DENND1B: variants seen among roughly 807,000 people sequenced by gnomAD.
DENND1B encodes DENN domain containing 1B.
A neutral mutation model predicts 90.1 loss-of-function variants in DENND1B; 59 were observed. That is an observed-to-expected ratio of 0.65 (90% CI 0.53 to 0.81). The LOEUF (loss-of-function observed/expected upper bound fraction) is 0.81, where lower values mean the gene tolerates loss of function less well. Ranked by LOEUF, DENND1B falls within the 40% of genes least tolerant of loss-of-function variation. The pLI, the probability that DENND1B is intolerant of heterozygous loss-of-function variation, is 0.00. For synonymous variants in DENND1B, 337 were observed against 324.6 expected (o/e 1.04, Z -0.41); for missense variants, 862 against 912.6 (o/e 0.94, Z 0.71).
intron 2 of DENND1B, among the ~76,000 whole-genome samples, chr1:197,724,385 T>C (rs902261145): frequency 1.3e-5 from 2 of 152,178 alleles, no homozygotes; most frequent in Admixed American, 6.5e-5. Context: ...AAATTTAAGA[T>C]TCTAATGAAT....
intron 2 of DENND1B, chr1:197,734,525 A>G: frequency 1.0e-6 from 1 of 973,876 alleles, no homozygotes; most frequent in South Asian, 4.7e-5. Flanking sequence ...AAAAAGGAAT[A>G]CACAAAAATA....
chr1:197,588,419 G>A (rs1403939534), intron 14 of DENND1B, among the ~76,000 whole-genome samples: 1 of 152,110 alleles, frequency 6.6e-6, no homozygotes, highest in East Asian at 1.9e-4. Flanking sequence ...ATACTATCAG[G>A]ACGTGTATGA....
intron 15 of DENND1B, among the ~76,000 whole-genome samples, chr1:197,562,651 C>A (rs895512117): frequency 6.6e-6 from 1 of 151,782 alleles, no homozygotes; most frequent in Non-Finnish European, 1.5e-5. Flanking sequence ...CTCTCCCTCT[C>A]CTCAGGCTTT....
At chr1:197,544,617 G>A (rs1670577671) in intron 18 of DENND1B, among the ~76,000 whole-genome samples, 1 of 151,860 alleles carries the variant, frequency 6.6e-6, no homozygotes, top group Non-Finnish European at 1.5e-5. Flanking sequence ...ATTAGAGAAA[G>A]AAGAATTGTC....
chr1:197,555,218 A>T (rs1310596453), intron 15 of DENND1B, among the ~76,000 whole-genome samples: 2 of 152,142 alleles, frequency 1.3e-5, no homozygotes, highest in East Asian at 3.9e-4. Context: ...GTAAGACCTC[A>T]AACTAAAAAC....
Position 197,510,855 on chromosome 1 carries a change from G to C in DENND1B, c.1933C>G (p.Pro645Ala), listed in dbSNP as rs1329836489. 3 of 1,611,658 alleles carry C rather than the reference G, an allele frequency of 1.9e-6. No individual in the cohort carries two copies. Among genetic ancestry groups the C allele is most frequent in the South Asian group, 2.2e-5 (2 of 90,816 alleles). ...GAGGAAACCCGCTTCCTAGGAGATG[G>C]AGGGAGGTGTTTGCCATGGAGGGCA... ...DSALHGKHLP[P>A]SPRKRVSSSG... The change falls in exon 23 of 23, where the codon CCA becomes GCA. Residue 645 changes from proline (P) to alanine (A), a missense_variant. Coordinates refer to ENST00000620048, the MANE Select transcript of DENND1B (RefSeq NM_001195215.2).
chr1:197,731,047 T>C (rs1210495950), intron 2 of DENND1B, among the ~76,000 whole-genome samples: 4 of 152,062 alleles, frequency 2.6e-5, no homozygotes, highest in African/African-American at 9.7e-5. Flanking sequence ...ACAACTGAAA[T>C]CTGGGAGGAT....
At chr1:197,521,076 A>G (rs1341091476) in intron 20 of DENND1B, among the ~76,000 whole-genome samples, 1 of 151,994 alleles carries the variant, frequency 6.6e-6, no homozygotes, top group East Asian at 1.9e-4. Context: ...CAAGAAGGAA[A>G]AGTATTTTAT....
chr1:197,694,438 G>A (rs966197184), intron 3 of DENND1B, among the ~76,000 whole-genome samples: 2 of 151,312 alleles, frequency 1.3e-5, no homozygotes, highest in African/African-American at 4.8e-5. Context: ...TCAAACTAAA[G>A]ATAAATTTGA....
chr1:197,690,887 A>T (rs970008746), intron 3 of DENND1B, among the ~76,000 whole-genome samples: 2 of 148,646 alleles, frequency 1.3e-5, no homozygotes, highest in Admixed American at 1.4e-4. Context: ...CCAAAAAAAA[A>T]TCTGTCATAG....
chr1:197,777,952 T>C (rs1480285983), upstream of DENND1B, among the ~76,000 whole-genome samples: 1 of 152,200 alleles, frequency 6.6e-6, no homozygotes, highest in Non-Finnish European at 1.5e-5. Context: ...CATCTTCTAT[T>C]ACTGAATTTG....
chr1:197,611,729 T>C (rs932807953), intron 12 of DENND1B, among the ~76,000 whole-genome samples: 1 of 150,816 alleles, frequency 6.6e-6, no homozygotes, highest in Admixed American at 6.6e-5. Flanking sequence ...ATGGATTTCA[T>C]GCCATAAAAA....
intron 10 of DENND1B, among the ~76,000 whole-genome samples, chr1:197,624,402 C>T (rs1166975112): frequency 1.3e-5 from 2 of 151,636 alleles, no homozygotes. Flanking sequence ...AGTCCTCACA[C>T]TTTTCATGAA....
intron 13 of DENND1B, among the ~76,000 whole-genome samples, chr1:197,603,467 T>C (rs1676387909): frequency 6.6e-6 from 1 of 151,200 alleles, no homozygotes; most frequent in African/African-American, 2.4e-5. Context: ...TATTGACCTA[T>C]CAATATTATT....
intron 14 of DENND1B, among the ~76,000 whole-genome samples, chr1:197,589,832 G>C (rs1002194096): frequency 2.0e-5 from 3 of 152,126 alleles, no homozygotes; most frequent in African/African-American, 7.2e-5. Flanking sequence ...CTTGAGTGAT[G>C]GAAACACATG....
At chr1:197,520,647 G>A (rs1668707003) in intron 20 of DENND1B, among the ~76,000 whole-genome samples, 1 of 151,898 alleles carries the variant, frequency 6.6e-6, no homozygotes, top group Non-Finnish European at 1.5e-5. Flanking sequence ...GTGCAAATTA[G>A]TAACTCTCTT....
intron 5 of DENND1B, among the ~76,000 whole-genome samples, chr1:197,663,045 G>A (rs917315012): frequency 1.3e-5 from 2 of 151,934 alleles, no homozygotes; most frequent in Admixed American, 6.6e-5. Flanking sequence ...AAAGGATATG[G>A]CCTGCAAAAG....
intron 20 of DENND1B, among the ~76,000 whole-genome samples, chr1:197,538,745 C>T (rs1325335525): frequency 1.4e-5 from 2 of 140,026 alleles, no homozygotes; most frequent in Non-Finnish European, 3.0e-5. Flanking sequence ...ACTGTTGTTA[C>T]GGTTTGAATT....
intron 10 of DENND1B, among the ~76,000 whole-genome samples, chr1:197,640,113 C>T (rs1165693513): frequency 1.3e-5 from 2 of 152,072 alleles, no homozygotes; most frequent in Non-Finnish European, 2.9e-5. Flanking sequence ...TTTTTAAAGC[C>T]AAATACTAAG....
Sources: allele counts gnomAD v4.1 joint callset (sites outside exome capture counted in the v4.1 genomes callset), GRCh38; gene constraint gnomAD v4.1.1; transcripts MANE v1.5; gene names NCBI Gene and HGNC (gene_info 2026-07-23, HGNC 2026-07-21).